Variants in ECD observed in about 807,000 individuals in gnomAD.
The protein encoded by ECD is protein ecdysoneless homolog.
ECD carries 59 observed loss-of-function variants against 77.2 expected under a neutral mutation model. The observed-to-expected ratio is 0.76, with a 90% CI of 0.62 to 0.95. ECD has a LOEUF of 0.95. Among genes scored for constraint, ECD ranks in the 40% least tolerant of loss-of-function variants. The pLI is 0.00. For missense variants in ECD, 704 were observed against 763.4 expected, an observed-to-expected ratio of 0.92 and a Z score of 0.92; for synonymous variants, 233 against 267.4, an observed-to-expected ratio of 0.87 and a Z score of 1.26.
At chr10:73,159,428 A>AT (rs1385007583) in intron 3 of ECD, among the ~76,000 whole-genome samples, 1 of 152,252 alleles carries the variant, frequency 6.6e-6, no homozygotes. Flanking sequence ...ATATGTGTGT[A>AT]TGTGTATGAA....
chr10:73,134,704 A>C lies in ECD; in HGVS notation c.1814T>G (p.Leu605Trp), dbSNP rs1010974436. 19 of 1,614,168 alleles carry C rather than the reference A, an allele frequency of 1.2e-5. No individual in the cohort carries two copies. The highest frequency in any genetic ancestry group is 1.6e-5 in the Non-Finnish European group (19 of 1,180,034). ...TCCAGCTTGGGAGCTATAGGATTCC[A>C]ATATATTTGAAACCAGGTTCAGGTC... ...DVDLNLVSNI[L>W]ESYSSQAGLA... The change falls in exon 14 of 14, where the codon TTG (leucine) becomes TGG (tryptophan). Residue 605 changes from leucine (L) to tryptophan (W), a missense_variant. This residue lies in a region of ECD where 142 missense variants were observed against 163.6 expected (regional missense o/e 0.87). Transcript: ENST00000372979.
chr10:73,151,515 T>G (rs1843205554), intron 7 of ECD, among the ~76,000 whole-genome samples: 1 of 144,502 alleles, frequency 6.9e-6, no homozygotes, highest in Non-Finnish European at 1.5e-5. Flanking sequence ...ACCCTAAAAC[T>G]TAAAGCATAA....
chr10:73,146,361 C>T lies in ECD; in HGVS notation c.1042G>A (p.Gly348Arg), dbSNP rs200481547. The T allele has an allele frequency of 7.6e-6, 12 of 1,587,596 alleles. 1 individual carries two copies. The highest frequency in any genetic ancestry group is 9.4e-6 in the Non-Finnish European group (11 of 1,169,106). The change falls in exon 9 of 14, where the codon GGA becomes AGA. Residue 348 changes from glycine (G) to arginine (R), a missense_variant and splice_region_variant. By Grantham distance (125) the Gly-to-Arg change is moderately radical. Coordinates refer to ENST00000372979, the MANE Select transcript of ECD (RefSeq NM_007265.3). The stretch of plus-strand genomic sequence containing the variant: ...TACTGAGCAGAACCTTCTATCAGTC[C>T]CTTAAAAAAAAAAAAAGGTCTATCA... ...ESLKKNDYFK[G>R]LIEGSAQYRE...
At chr10:73,142,750 T>G (rs1214009066) in intron 9 of ECD, among the ~76,000 whole-genome samples, 1 of 152,186 alleles carries the variant, frequency 6.6e-6, no homozygotes, top group Non-Finnish European at 1.5e-5. Context: ...TCAAGTATAC[T>G]TCGGCACTTT....
chr10:73,147,153 G>A (rs1368773261), intron 8 of ECD, among the ~76,000 whole-genome samples: 8 of 152,152 alleles, frequency 5.3e-5, no homozygotes, highest in African/African-American at 2.4e-5. Context: ...GCTGAGGCAG[G>A]AGGATCACTT....
chr10:73,158,012 A>C (rs1843322434), intron 3 of ECD, among the ~76,000 whole-genome samples: 1 of 151,164 alleles, frequency 6.6e-6, no homozygotes, highest in East Asian at 1.9e-4. Context: ...CACAGGCTGG[A>C]ATGTAGTGGT....
At chr10:73,158,890 ATAAATAAATTTAAAACATTTAAAAATTT>A (rs1843338434) in intron 3 of ECD, among the ~76,000 whole-genome samples, 1 of 152,032 alleles carries the variant, frequency 6.6e-6, no homozygotes, top group South Asian at 2.1e-4. Context: ...TAAATAAATA[ATAAATAAATTTAAAACATTTAAAAATTT>A]TAAATAAATT....
chr10:73,163,705 C>T (rs753114444), intron 2 of ECD, 28 bp downstream of exon 2: 1 of 1,606,520 alleles, frequency 6.2e-7, no homozygotes, highest in South Asian at 1.1e-5. Context: ...AAAAGTCACA[C>T]TAATCCAAAC....
At chr10:73,152,681 G>A (rs960378516) in intron 6 of ECD, among the ~76,000 whole-genome samples, 2 of 152,028 alleles carry the variant, frequency 1.3e-5, no homozygotes, top group Non-Finnish European at 2.9e-5. Context: ...GGAGGCCAAG[G>A]TGGGCAGATC....
intron 1 of ECD, 83 bp from the exon 2 acceptor site, chr10:73,164,033 C>G (rs11000536): frequency 2.4e-6 from 3 of 1,258,054 alleles, no homozygotes; most frequent in Admixed American, 4.4e-5. Context: ...TCTATGAACA[C>G]TGTTTTCTAA....
chr10:73,160,702 C>T (rs71471607), intron 2 of ECD, 151 bp from the exon 3 acceptor site: 1 of 533,758 alleles, frequency 1.9e-6, no homozygotes, highest in Non-Finnish European at 3.3e-6. Flanking sequence ...AAGCCTACTC[C>T]TGAGGAGCTC....
At position 73,146,265 on chromosome 10, in the gene ECD, C is replaced by G; in HGVS notation, c.1127+11G>C. 6.4e-7 allele frequency: 1 copy of G among 1,559,464 alleles called. No individual in the cohort carries two copies. Among genetic ancestry groups the G allele is most frequent in the Non-Finnish European group, 8.8e-7 (1 of 1,140,634 alleles). ...CCAATCTTTGTAGTAGGAGTCTTAA[C>G]AATAACTCACCTTTCTGGCCAGTCT... On this transcript the variant is annotated intron_variant, in intron 9 of 13. Transcript: ENST00000372979.
chr10:73,165,618 GT>G (rs58191783), intron 1 of ECD, among the ~76,000 whole-genome samples: 35 of 143,818 alleles, frequency 2.4e-4, no homozygotes, highest in East Asian at 6.0e-4. Flanking sequence ...CCAAAGTGCT[GT>G]TTTTTTTTTT....
At chr10:73,156,773 T>A in intron 3 of ECD, 118 bp from the exon 4 acceptor site, 2 of 935,534 alleles carry the variant, frequency 2.1e-6, no homozygotes, top group Non-Finnish European at 3.2e-6. Context: ...GTATGTACTA[T>A]GTGCAGATGG....
rs540276143 is a variant in ECD at position 73,146,473 on chromosome 10, C to T, written c.1042-112G>A. ...CAAATAATCTACTACTCAGGAATCACGTGCCCCAAGTCCTAGGCCCTGTTT... is the reference window on the plus strand; with the variant it reads ...CAAATAATCTACTACTCAGGAATCATGTGCCCCAAGTCCTAGGCCCTGTTT... On this transcript the variant is annotated intron_variant, in intron 8 of 13. Coordinates refer to ENST00000372979, the MANE Select transcript of ECD (RefSeq NM_007265.3). The T allele has an allele frequency of 7.1e-6, 4 of 566,966 alleles. No homozygotes were observed. In the East Asian group the frequency reaches 9.7e-5, roughly 14 times the overall value. 35.1% of individuals were successfully genotyped at this position (566,966 alleles called of 1,614,324 possible).
chr10:73,155,256 C>T (rs1221947031), intron 5 of ECD, among the ~76,000 whole-genome samples: 7 of 151,498 alleles, frequency 4.6e-5, no homozygotes, highest in Admixed American at 3.9e-4. Flanking sequence ...TCAGTAGAGA[C>T]GGGGTTTCAC....
At chr10:73,145,657 CT>C (rs748175828) in intron 9 of ECD, among the ~76,000 whole-genome samples, 4,619 of 124,058 alleles carry the variant, frequency 0.037, 122 homozygotes, top group African/African-American at 0.13. Context: ...TATTGTGCAG[CT>C]TTTTTTTTTT....
intron 3 of ECD, among the ~76,000 whole-genome samples, chr10:73,158,691 G>T (rs1305490588): frequency 4.6e-5 from 7 of 151,908 alleles, no homozygotes; most frequent in African/African-American, 1.7e-4. Context: ...AGCCGAGATT[G>T]TTCCACTGCA....
At chr10:73,153,226 G>A (rs1008541757) in intron 6 of ECD, among the ~76,000 whole-genome samples, 22 of 151,532 alleles carry the variant, frequency 1.5e-4, no homozygotes, top group African/African-American at 4.6e-4. Context: ...CCGAAGTAGC[G>A]GGGATTACAG....
Sources: allele counts gnomAD v4.1 joint callset (sites outside exome capture counted in the v4.1 genomes callset), GRCh38; gene constraint gnomAD v4.1.1; regional missense constraint gnomAD v4.1.1; transcripts MANE v1.5; gene names NCBI Gene and HGNC (gene_info 2026-07-23, HGNC 2026-07-21).